The following NCOR2 variants were observed in gnomAD, a reference collection of about 807,000 sequenced individuals.
The protein encoded by NCOR2 is nuclear receptor corepressor 2.
Under a neutral mutation model 262.9 loss-of-function variants are expected in NCOR2, and 81 were observed. The ratio of observed to expected loss-of-function variants is 0.31; its 90% CI spans 0.26 to 0.37. The LOEUF is 0.37. NCOR2 is among the 10% of genes least tolerant of loss of function. The pLI, the probability that NCOR2 is intolerant of heterozygous loss-of-function variation, is 1.00. For synonymous variants in NCOR2, 1,659 were observed against 1,559.3 expected (o/e 1.06, Z -1.51); for missense variants, 3,385 against 3,621.4 (o/e 0.93, Z 1.68).
intron 1 of NCOR2, among the ~76,000 whole-genome samples, chr12:124,488,877 G>T (rs752678935): frequency 2.6e-5 from 4 of 152,126 alleles, no homozygotes; most frequent in Non-Finnish European, 5.9e-5. Context: ...GGCCCGAAGT[G>T]GGGGCTGGGG....
intron 1 of NCOR2, among the ~76,000 whole-genome samples, chr12:124,558,976 T>C (rs1303257609): frequency 3.3e-5 from 5 of 152,082 alleles, no homozygotes; most frequent in African/African-American, 1.2e-4. Context: ...AATGCAAATA[T>C]AGGCCACGGA....
intron 22 of NCOR2, among the ~76,000 whole-genome samples, chr12:124,358,820 A>G (rs763716797): frequency 6.6e-5 from 10 of 152,328 alleles, no homozygotes; most frequent in Non-Finnish European, 1.0e-4. Flanking sequence ...TCCACGGCTG[A>G]CAGCAATGTA....
exon 29 of NCOR2, chr12:124,348,234 G>A (rs771667242): frequency 1.2e-6 from 2 of 1,613,018 alleles, no homozygotes; most frequent in Non-Finnish European, 1.7e-6. Context: ...TCATAGGTGC[G>A]CTTGGGGGCG....
intron 1 of NCOR2, among the ~76,000 whole-genome samples, chr12:124,520,130 C>G (rs981690188): frequency 6.6e-6 from 1 of 152,202 alleles, no homozygotes; most frequent in Non-Finnish European, 1.5e-5. Flanking sequence ...CTGTGAACAG[C>G]TGGCCCTCTA....
intron 5 of NCOR2, among the ~76,000 whole-genome samples, chr12:124,463,950 G>A (rs1036952499): frequency 1.1e-4 from 16 of 151,702 alleles, no homozygotes; most frequent in South Asian, 8.3e-4. Flanking sequence ...TGCATCTGCC[G>A]TGTGGTGAGC....
At chr12:124,525,482 C>T (rs970366432) in intron 1 of NCOR2, among the ~76,000 whole-genome samples, 16 of 152,242 alleles carry the variant, frequency 1.1e-4, no homozygotes, top group African/African-American at 2.9e-4. Context: ...TAAGGCAAAG[C>T]GCCGCATCTT....
intron 1 of NCOR2, among the ~76,000 whole-genome samples, chr12:124,506,277 A>G (rs894175757): frequency 2.0e-5 from 3 of 151,958 alleles, no homozygotes; most frequent in Non-Finnish European, 4.4e-5. Context: ...GGGTGCCCAA[A>G]CCCCCGGCCC....
At chr12:124,340,866 T>C in intron 34 of NCOR2, 115 bp from the exon 37 acceptor site, 1 of 1,058,998 alleles carries the variant, frequency 9.4e-7, no homozygotes, top group Non-Finnish European at 1.2e-6. Context: ...CCAGCAGAGC[T>C]GGTGGCAGGC....
In NCOR2 at chr12:124,372,143, T is replaced by C. The variant is rs755287140; in HGVS notation, c.2686A>G (p.Lys896Glu). 1.1e-5 allele frequency: 17 copies of C among 1,601,458 alleles called. No homozygotes were observed. Among genetic ancestry groups the C allele is most frequent in the African/African-American group, 9.3e-5 (7 of 74,886 alleles). The change falls in exon 20 of 47, where the codon AAG becomes GAG. Residue 896 changes from lysine to glutamate, a missense_variant. Physicochemically the swap from Lys to Glu is moderately conservative, Grantham distance 56. This residue lies in a region of NCOR2 where 1,615 missense variants were observed against 1,626.9 expected (regional missense o/e 0.99). Transcript: ENST00000405201. ...GTGGCCCTGCCGCTCCCGCCCTCCT[T>C]CTTCTCTGCCTTGAGCGCCCCCTCG...
chr12:124,343,053 G>A (rs2036591914), exon 33 of NCOR2: 2 of 1,612,168 alleles, frequency 1.2e-6, no homozygotes, highest in Admixed American at 1.7e-5. Context: ...TCGAAGGCCA[G>A]GGGGATGTGG....
chr12:124,498,383 G>A (rs1201553009), upstream of NCOR2, among the ~76,000 whole-genome samples: 3 of 152,114 alleles, frequency 2.0e-5, no homozygotes, highest in Non-Finnish European at 4.4e-5. Flanking sequence ...TGCCCACCCC[G>A]GAGCATGGGG....
chr12:124,435,541 T>TC (rs1360677911), intron 8 of NCOR2, among the ~76,000 whole-genome samples: 2 of 152,158 alleles, frequency 1.3e-5, no homozygotes, highest in African/African-American at 4.8e-5. Context: ...CCAACCAAGT[T>TC]CGGGGCCAGA....
At chr12:124,413,442 A>C (rs1349004997) in intron 13 of NCOR2, among the ~76,000 whole-genome samples, 1 of 152,188 alleles carries the variant, frequency 6.6e-6, no homozygotes, top group Non-Finnish European at 1.5e-5. Context: ...ATGAACATGC[A>C]TATACTGTGC....
intron 11 of NCOR2, among the ~76,000 whole-genome samples, chr12:124,425,101 G>A (rs576214925): frequency 2.0e-5 from 3 of 152,308 alleles, no homozygotes; most frequent in East Asian, 1.9e-4. Flanking sequence ...TTGGCCAGGC[G>A]TGGTGGCTCA....
At chr12:124,527,596 T>TTA (rs1297605927) in intron 1 of NCOR2, among the ~76,000 whole-genome samples, 5 of 152,116 alleles carry the variant, frequency 3.3e-5, no homozygotes, top group Non-Finnish European at 5.9e-5. Flanking sequence ...TCTTCTGTTT[T>TTA]TATTAGAGAC....
intron 16 of NCOR2, among the ~76,000 whole-genome samples, chr12:124,393,102 G>A (rs1291037407): frequency 6.6e-6 from 1 of 152,234 alleles, no homozygotes; most frequent in Non-Finnish European, 1.5e-5. Flanking sequence ...CCAGAGAAGA[G>A]GGCTGGGGCC....
At position 124,457,431 on chromosome 12, in the gene NCOR2, C is replaced by A. The variant is rs1226519164; in HGVS notation, c.706-269G>T. 6.6e-6 allele frequency among the ~76,000 whole-genome samples: 1 copy of A among 152,112 alleles called. No homozygotes were observed. The highest frequency in any genetic ancestry group is 2.1e-4 in the South Asian group (1 of 4,832). On this transcript the variant is annotated intron_variant, in intron 5 of 46. Coordinates refer to ENST00000405201, the Ensembl canonical transcript of NCOR2. The surrounding 1 kb of genome is among the most constrained non-coding windows in gnomAD (Gnocchi z 4.0). ...GCCGGGTCCACTGAAGCCTGCTCCC[C>A]GGCAGGCGCGCAGGCCTCGCTCCCC...
intron 13 of NCOR2, among the ~76,000 whole-genome samples, chr12:124,412,929 C>T (rs985488147): frequency 3.3e-5 from 5 of 152,266 alleles, no homozygotes; most frequent in East Asian, 3.9e-4. Context: ...ACAGGGGGAA[C>T]TCCAGGAGGG....
chr12:124,436,028 ATCC>A (rs2044316676), intron 8 of NCOR2, among the ~76,000 whole-genome samples: 1 of 152,134 alleles, frequency 6.6e-6, no homozygotes, highest in Admixed American at 6.5e-5. Flanking sequence ...GTGTGCGGGC[ATCC>A]TCCTCGTCCT....
Sources: allele counts gnomAD v4.1 joint callset (sites outside exome capture counted in the v4.1 genomes callset), GRCh38; gene constraint gnomAD v4.1.1; regional missense constraint gnomAD v4.1.1; non-coding constraint Gnocchi (gnomAD v3.1); transcripts MANE v1.5; gene names NCBI Gene and HGNC (gene_info 2026-07-23, HGNC 2026-07-21).